The following ATP5PB variants were observed in gnomAD, a reference collection of about 807,000 sequenced individuals.
ATP5PB encodes the protein ATP synthase peripheral stalk-membrane subunit b.
In ATP5PB, 21 loss-of-function variants were observed where a neutral mutation model predicts 34.5. That is an observed-to-expected ratio of 0.61 (90% CI 0.43 to 0.88). ATP5PB has a LOEUF of 0.88. Among genes scored for constraint, ATP5PB ranks in the 40% least tolerant of loss-of-function variants. The pLI, the probability that ATP5PB is intolerant of heterozygous loss-of-function variation, is 0.00. For synonymous variants in ATP5PB, 108 were observed against 114.1 expected (o/e 0.95, Z 0.34); for missense variants, 293 against 317.4 (o/e 0.92, Z 0.58).
intron 2 of ATP5PB, 30 bp downstream of exon 2, chr1:111,449,903 C>T (rs759349195): frequency 1.2e-5 from 20 of 1,613,696 alleles, no homozygotes; most frequent in Non-Finnish European, 1.7e-5. Flanking sequence ...TCCCTTTCGT[C>T]TTTGTTTTCA....
intron 3 of ATP5PB, 31 bp from the exon 4 acceptor site, chr1:111,456,055 C>A (rs763483791): frequency 2.0e-6 from 3 of 1,523,090 alleles, no homozygotes; most frequent in South Asian, 2.5e-5. Flanking sequence ...CATAGCATAT[C>A]CCTTCATAAA....
Position 111,459,539 on chromosome 1 carries a change from A to G in ATP5PB, c.596A>G (p.Tyr199Cys), listed in dbSNP as rs201457142. 4.0e-5 allele frequency: 64 copies of G among 1,613,984 alleles called. No homozygotes were observed. Among genetic ancestry groups the G allele is most frequent in the African/African-American group, 1.1e-4 (8 of 75,038 alleles). Reference protein sequence around the residue: ...VYKEVKNRLDYHISVQNMMRR... With the variant: ...VYKEVKNRLDCHISVQNMMRR... ...AAGGAAGTAAAGAATCGCCTGGACT[A>G]TCATATATCTGTGCAGAACATGATG... The change falls in exon 6 of 7, where the codon TAT (tyrosine) becomes TGT (cysteine). Residue 199 changes from tyrosine to cysteine, a missense_variant. Physicochemically the swap from Tyr to Cys is radical, Grantham distance 194. Coordinates refer to ENST00000369722, the MANE Select transcript of ATP5PB (RefSeq NM_001688.5).
rs774658100 is a variant in ATP5PB at position 111,449,827 on chromosome 1, C to T, written c.41-10C>T. On this transcript the variant is annotated splice_polypyrimidine_tract_variant and intron_variant, in intron 1 of 6. Coordinates refer to ENST00000369722, the MANE Select transcript of ATP5PB (RefSeq NM_001688.5). ...TTGACTTTGCTGACCTTCGCCTTGTCTATCTGCAGCCCCCTCTCTGAAGAA... is the reference window on the plus strand; with the variant it reads ...TTGACTTTGCTGACCTTCGCCTTGTTTATCTGCAGCCCCCTCTCTGAAGAA... 2 of 1,614,068 alleles carry T rather than the reference C, an allele frequency of 1.2e-6. No individual in the cohort carries two copies. The highest frequency in any genetic ancestry group is 1.3e-5 in the African/African-American group (1 of 74,924).
intron 2 of ATP5PB, among the ~76,000 whole-genome samples, chr1:111,453,912 A>T (rs1323350266): frequency 6.6e-6 from 1 of 152,246 alleles, no homozygotes; most frequent in Non-Finnish European, 1.5e-5. Context: ...CCACGTCCAC[A>T]TTCTTACATA....
chr1:111,450,032 C>A (rs892124196), intron 2 of ATP5PB, among the ~76,000 whole-genome samples, 159 bp downstream of exon 2: 2 of 152,114 alleles, frequency 1.3e-5, no homozygotes, highest in Non-Finnish European at 2.9e-5. Flanking sequence ...CCTGTAACTG[C>A]CAGGAACGCT....
chr1:111,452,841 A>G (rs745534921), intron 2 of ATP5PB, among the ~76,000 whole-genome samples: 1 of 152,198 alleles, frequency 6.6e-6, no homozygotes, highest in Non-Finnish European at 1.5e-5. Context: ...GGCCACAAAG[A>G]TACTGCCAGA....
chr1:111,449,787 C>A, intron 1 of ATP5PB, 50 bp from the exon 2 acceptor site: 1 of 1,613,634 alleles, frequency 6.2e-7, no homozygotes, highest in Non-Finnish European at 8.5e-7. Flanking sequence ...AAGGAAAGGG[C>A]AAACCAGATT....
At chr1:111,454,404 TA>T (rs1653411676) in intron 3 of ATP5PB, 48 bp downstream of exon 3, 1 of 1,539,044 alleles carries the variant, frequency 6.5e-7, no homozygotes. Context: ...ATGGCACCAC[TA>T]AAATCAAGTT....
intron 1 of ATP5PB, 59 bp from the exon 2 acceptor site, chr1:111,449,778 A>G: frequency 6.2e-7 from 1 of 1,612,580 alleles, no homozygotes. Context: ...GGCGGGGGTA[A>G]GGAAAGGGCA....
At chr1:111,452,908 C>T (rs1296815926) in intron 2 of ATP5PB, among the ~76,000 whole-genome samples, 1 of 152,140 alleles carries the variant, frequency 6.6e-6, no homozygotes, top group Non-Finnish European at 1.5e-5. Flanking sequence ...GTTCAAACGT[C>T]GGTAGTGCTG....
intron 2 of ATP5PB, among the ~76,000 whole-genome samples, 191 bp from the exon 3 acceptor site, chr1:111,454,020 A>G (rs1288624970): frequency 6.6e-6 from 1 of 152,216 alleles, no homozygotes; most frequent in Non-Finnish European, 1.5e-5. Context: ...AATGTCTGTG[A>G]TTAATTCTTT....
chr1:111,450,987 T>G (rs2101753913), intron 2 of ATP5PB, among the ~76,000 whole-genome samples: 1 of 152,326 alleles, frequency 6.6e-6, no homozygotes, highest in South Asian at 2.1e-4. Flanking sequence ...GACTGCTGCT[T>G]CCACTACCGC....
intron 6 of ATP5PB, 39 bp from the exon 7 acceptor site, chr1:111,460,878 T>C (rs1653601163): frequency 6.3e-7 from 1 of 1,585,296 alleles, no homozygotes; most frequent in Non-Finnish European, 8.7e-7. Context: ...TTTCTATGTT[T>C]TGGAAAGGTC....
intron 5 of ATP5PB, among the ~76,000 whole-genome samples, chr1:111,458,942 CAA>C (rs1281850453): frequency 6.6e-6 from 1 of 152,122 alleles, no homozygotes; most frequent in Non-Finnish European, 1.5e-5. Context: ...AATCTAAACA[CAA>C]GAGTGTTTAG....
At chr1:111,450,653 C>CTT (rs1653298004) in intron 2 of ATP5PB, among the ~76,000 whole-genome samples, 1 of 152,168 alleles carries the variant, frequency 6.6e-6, no homozygotes. Flanking sequence ...TTCCATAAGA[C>CTT]ATGTCCATTT....
At position 111,459,565 on chromosome 1, in the gene ATP5PB, C is replaced by T. The variant is rs151251385; in HGVS notation, c.622C>T (p.Arg208Cys). Residue 208 changes from arginine (R) to cysteine (C), a missense_variant, in exon 6 of 7, where the codon CGT (arginine) becomes TGT (cysteine). Transcript: ENST00000369722. ...DYHISVQNMMRRKEQEHMINW... is the reference protein window; with the variant it reads ...DYHISVQNMMCRKEQEHMINW... ...TCATATATCTGTGCAGAACATGATG[C>T]GTCGAAAGGAACAAGAACACATGAT... 85 of 1,613,852 alleles carry T rather than the reference C, an allele frequency of 5.3e-5. No homozygotes were observed. The highest frequency in any genetic ancestry group is 1.7e-4 in the Middle Eastern group (1 of 6,054).
At chr1:111,460,798 C>T in intron 6 of ATP5PB, 119 bp from the exon 7 acceptor site, 1 of 731,000 alleles carries the variant, frequency 1.4e-6, no homozygotes, top group Non-Finnish European at 2.3e-6. Flanking sequence ...AGTGTTAAGC[C>T]AGTAATCATC....
chr1:111,460,992 T>A lies in ATP5PB; in HGVS notation c.769T>A (p.Ter257LysextTer14). ...AKKAQAQPVM[*>K] ...GAAGGCTCAAGCACAGCCAGTTATG[T>A]AAATGTATCTATCCCAATTGAGACA... The change falls in exon 7 of 7, where the codon TAA becomes AAA. Residue 257 changes from the stop codon to lysine (K), a stop_lost. Coordinates refer to ENST00000369722, the MANE Select transcript of ATP5PB (RefSeq NM_001688.5). The A allele has an allele frequency of 6.2e-7, 1 of 1,611,764 alleles. No individual in the cohort carries two copies. The highest frequency in any genetic ancestry group is 1.1e-5 in the South Asian group (1 of 90,970).
In ATP5PB at chr1:111,449,474, C is replaced by G; in HGVS notation, c.-68C>G. The stretch of plus-strand genomic sequence containing the variant: ...AGACTTGTGAGCGGCCATCTTGGTC[C>G]TGCCCTGACAGATTCTCCTATCGGG... On this transcript the variant is annotated 5_prime_UTR_variant, in exon 1 of 7. Transcript: ENST00000369722. 6.2e-7 allele frequency: 1 copy of G among 1,614,194 alleles called. No individual in the cohort carries two copies. The highest frequency in any genetic ancestry group is 8.5e-7 in the Non-Finnish European group (1 of 1,180,030).
Sources: gnomAD v4.1 joint callset for allele counts (sites outside exome capture counted in the v4.1 genomes callset) on GRCh38, gnomAD v4.1.1 for gene constraint, MANE v1.5 for transcripts, NCBI Gene and HGNC (gene_info 2026-07-23, HGNC 2026-07-21) for gene names.